The following EPM2A variants were observed in gnomAD, a reference collection of about 807,000 sequenced individuals.
EPM2A encodes the protein laforin.
In EPM2A, 21 loss-of-function variants were observed where a neutral mutation model predicts 26.5. That is an observed-to-expected ratio of 0.79 (90% CI 0.56 to 1.14). EPM2A has a LOEUF of 1.14. Ranked by LOEUF, EPM2A falls within the 50% of genes most tolerant of loss-of-function variation. The pLI is 0.00. For missense variants in EPM2A, 458 were observed against 440.8 expected (o/e 1.04, Z -0.35); for synonymous variants, 217 against 177.6 (o/e 1.22, Z -1.76).
chr6:145,478,523 A>G (rs1217505596), intron 4 of EPM2A, among the ~76,000 whole-genome samples: 1 of 151,944 alleles, frequency 6.6e-6, no homozygotes, highest in Admixed American at 6.6e-5. Context: ...TGTGACTTCA[A>G]ATTATGTTAC....
At position 145,605,893 on chromosome 6, in the gene EPM2A, G is replaced by A. The variant is rs75140446; in HGVS notation, c.340+29352C>T. 5.0e-3 allele frequency among the ~76,000 whole-genome samples: 759 copies of A among 152,196 alleles called. 4 individuals are homozygous for A. The highest frequency in any genetic ancestry group is 0.018 in the African/African-American group (739 of 41,548). On this transcript the variant is annotated intron_variant, in intron 2 of 3. Transcript: ENST00000450221. The stretch of plus-strand genomic sequence containing the variant: ...CATTTAACAAGGTTAGGAAGAAACT[G>A]TAGGGGAACAAAAAACTACAGGAAA...
At chr6:145,408,645 T>C (rs2114673086) in intron 4 of EPM2A, among the ~76,000 whole-genome samples, 1 of 152,302 alleles carries the variant, frequency 6.6e-6, no homozygotes, top group South Asian at 2.1e-4. Flanking sequence ...TTTAAACAGA[T>C]ACCTGCTGGG....
At chr6:145,496,731 T>G (rs1356861524), downstream of EPM2A, among the ~76,000 whole-genome samples, 28 of 120,240 alleles carry the variant, frequency 2.3e-4, 3 homozygotes, top group African/African-American at 4.8e-4. Context: ...TCCTGCAATT[T>G]TTTTTTTTTT....
At chr6:145,390,688 G>A (rs1174321306) in intron 4 of EPM2A, among the ~76,000 whole-genome samples, 1 of 151,442 alleles carries the variant, frequency 6.6e-6, no homozygotes, top group East Asian at 1.9e-4. Context: ...TCTTGGCTTT[G>A]CTCATATTTT....
rs898953077 is a variant in EPM2A, at chr6:145,626,519, G to A, written c.*897C>T. 3.7e-5 allele frequency: 36 copies of A among 985,520 alleles called. No individual in the cohort carries two copies. In the African/African-American group the frequency reaches 4.9e-4, roughly 13 times the overall value. 61.0% of individuals were successfully genotyped at this position (985,520 alleles called of 1,614,324 possible). The stretch of plus-strand genomic sequence containing the variant: ...TGATCAGAATACTATTCTATGTCTC[G>A]CTATAGAAACTCCTGCAGGCATATT... On this transcript the variant is annotated 3_prime_UTR_variant, in exon 4 of 4. Transcript: ENST00000367519.
At chr6:145,670,825 G>T in intron 2 of EPM2A, 1 of 734,710 alleles carries the variant, frequency 1.4e-6, no homozygotes, top group Non-Finnish European at 1.7e-6. Context: ...TAATTTGACC[G>T]TATGAACAGC....
At chr6:145,502,453 C>G in intron 3 of EPM2A, 3 of 463,920 alleles carry the variant, frequency 6.5e-6, no homozygotes. Context: ...AAATATATGA[C>G]TTTCCTGAAG....
chr6:145,601,090 TTA>T (rs1423036262), intron 2 of EPM2A, among the ~76,000 whole-genome samples: 1 of 152,246 alleles, frequency 6.6e-6, no homozygotes, highest in African/African-American at 2.4e-5. Flanking sequence ...CCTTTATTTA[TTA>T]GAGTTTTGTT....
rs916282304 is a variant in EPM2A at position 145,516,950 on chromosome 6, G to A, written c.341-14375C>T. Reference sequence around the variant, plus strand: ...GCCAAGATGTGAAAACAACTCAAACGTCCATCAGTAGATGAATGGATAAGG... The same window carrying A: ...GCCAAGATGTGAAAACAACTCAAACATCCATCAGTAGATGAATGGATAAGG... On this transcript the variant is annotated intron_variant, in intron 2 of 3. Coordinates refer to the EPM2A transcript ENST00000450221. Among the ~76,000 whole-genome samples the A allele has an allele frequency of 1.2e-4, 18 of 152,182 alleles. 1 individual carries two copies. Among genetic ancestry groups the A allele is most frequent in the Middle Eastern group, 3.4e-3 (1 of 294 alleles).
chr6:145,696,566 CAAT>C (rs1198430174), intron 1 of EPM2A, among the ~76,000 whole-genome samples: 1 of 151,622 alleles, frequency 6.6e-6, no homozygotes, highest in African/African-American at 2.4e-5. Flanking sequence ...TTAAAAATAT[CAAT>C]AATAGAAATA....
intron 2 of EPM2A, among the ~76,000 whole-genome samples, chr6:145,525,280 G>A (rs773387954): frequency 6.6e-6 from 1 of 150,550 alleles, no homozygotes; most frequent in East Asian, 1.9e-4. Context: ...TTGCTTTGGC[G>A]ATTCAGGGTC....
intron 1 of EPM2A, chr6:145,734,906 A>G (rs2128648629): frequency 4.8e-6 from 1 of 206,202 alleles, no homozygotes; most frequent in Non-Finnish European, 9.6e-6. Flanking sequence ...TGAGGACTGG[A>G]TGTGCGGAAA....
rs1043315532 is a variant in EPM2A, at chr6:145,456,030, T to C, written c.555+46492A>G. ...ATTTTGATATTTTTTAGCAAATTAC[T>C]GCGATTTTTTAATTAAAACCCTCTG... is the stretch of plus-strand genomic sequence containing the variant. On this transcript the variant is annotated intron_variant, in intron 4 of 4. Transcript: ENST00000638717. 2.6e-5 allele frequency among the ~76,000 whole-genome samples: 4 copies of C among 152,182 alleles called. No individual in the cohort carries two copies. The East Asian group carries it at 7.7e-4, about 29-fold the overall frequency.
intron 2 of EPM2A, among the ~76,000 whole-genome samples, chr6:145,616,067 G>C (rs1582899234): frequency 6.6e-6 from 1 of 152,216 alleles, no homozygotes; most frequent in Admixed American, 6.5e-5. Context: ...CAAGACAATG[G>C]GGAAAATGTC....
At chr6:145,520,849 T>C (rs1335615868) in intron 2 of EPM2A, among the ~76,000 whole-genome samples, 4 of 152,120 alleles carry the variant, frequency 2.6e-5, no homozygotes, top group Non-Finnish European at 5.9e-5. Flanking sequence ...AAGAATGTAA[T>C]GGTTAATCAA....
At chr6:145,481,570 A>G (rs546828199) in intron 4 of EPM2A, among the ~76,000 whole-genome samples, 5 of 152,222 alleles carry the variant, frequency 3.3e-5, no homozygotes, top group African/African-American at 1.2e-4. Context: ...ATAATGGATC[A>G]TCTGGCCCCA....
In EPM2A at chr6:145,480,169, G is replaced by T. The variant is rs574425261; in HGVS notation, c.555+22353C>A. 6.8e-3 allele frequency among the ~76,000 whole-genome samples: 1,031 copies of T among 150,608 alleles called. 5 individuals are homozygous for T. Among genetic ancestry groups the T allele is most frequent in the African/African-American group, 0.025 (997 of 40,370 alleles). ...CTGCTATAAATAACTACCTAAGACTGGGTAATTTATTTAAAAAAAAAAGAG... is the reference window on the plus strand; with the variant it reads ...CTGCTATAAATAACTACCTAAGACTTGGTAATTTATTTAAAAAAAAAAGAG... On this transcript the variant is annotated intron_variant, in intron 4 of 4. Coordinates refer to the EPM2A transcript ENST00000638717.
intron 4 of EPM2A, among the ~76,000 whole-genome samples, chr6:145,412,644 CA>C (rs1282179634): frequency 2.0e-5 from 3 of 152,058 alleles, no homozygotes; most frequent in African/African-American, 7.2e-5. Flanking sequence ...TCACATTTTT[CA>C]AAATTTAGAA....
chr6:145,388,743 T>C (rs1182189000), intron 4 of EPM2A, among the ~76,000 whole-genome samples: 1 of 152,116 alleles, frequency 6.6e-6, no homozygotes, highest in East Asian at 1.9e-4. Flanking sequence ...AACTCCCACT[T>C]ATGAGTGAGA....
Sources: allele counts gnomAD v4.1 joint callset (sites outside exome capture counted in the v4.1 genomes callset), GRCh38; gene constraint gnomAD v4.1.1; transcripts MANE v1.5; gene names NCBI Gene and HGNC (gene_info 2026-07-23, HGNC 2026-07-21).